Variants in SPIDR observed in about 807,000 individuals in gnomAD.
SPIDR encodes DNA repair-scaffolding protein.
SPIDR carries 93 observed loss-of-function variants against 104.6 expected under a neutral mutation model. The observed-to-expected ratio is 0.89, with a 90% confidence interval of 0.75 to 1.06. The LOEUF (loss-of-function observed/expected upper bound fraction) is 1.06, where lower values mean the gene tolerates loss of function less well. Ranked by LOEUF, SPIDR falls within the 50% of genes least tolerant of loss-of-function variation. SPIDR has a pLI of 0.00. For synonymous variants in SPIDR, 431 were observed against 416.9 expected (o/e 1.03, Z -0.41); for missense variants, 1,154 against 1,111.2 (o/e 1.04, Z -0.55).
At chr8:47,287,302 G>C (rs1251634501) in intron 3 of SPIDR, among the ~76,000 whole-genome samples, 1 of 152,154 alleles carries the variant, frequency 6.6e-6, no homozygotes, top group East Asian at 1.9e-4. Context: ...ACAAGGCAAA[G>C]GGCGAAATCA....
intron 10 of SPIDR, among the ~76,000 whole-genome samples, chr8:47,607,399 T>C (rs987026401): frequency 6.6e-6 from 1 of 152,094 alleles, no homozygotes; most frequent in African/African-American, 2.4e-5. Flanking sequence ...CTAAAACAGT[T>C]ATTGGCAGTC....
At chr8:47,528,244 CT>C (rs1309146732) in intron 8 of SPIDR, 50 of 152,120 alleles carry the variant, frequency 3.3e-4, no homozygotes, top group Non-Finnish European at 1.3e-4. Context: ...ATACTTTCCC[CT>C]AGAAGTCCAG....
chr8:47,303,574 G>T (rs2154249878), intron 5 of SPIDR, among the ~76,000 whole-genome samples: 1 of 152,262 alleles, frequency 6.6e-6, no homozygotes, highest in South Asian at 2.1e-4. Flanking sequence ...TTCCTGTTTG[G>T]CCATCTTGGC....
At chr8:47,424,637 C>CA (rs1215345790) in intron 7 of SPIDR, among the ~76,000 whole-genome samples, 2 of 151,426 alleles carry the variant, frequency 1.3e-5, no homozygotes, top group African/African-American at 2.4e-5. Flanking sequence ...TTCTTAAATG[C>CA]AAAAAACCTT....
intron 8 of SPIDR, among the ~76,000 whole-genome samples, chr8:47,501,618 A>T (rs2080452015): frequency 6.6e-6 from 1 of 152,112 alleles, no homozygotes; most frequent in South Asian, 2.1e-4. Flanking sequence ...CTCTTTTCCT[A>T]ATTGAATACC....
intron 8 of SPIDR, among the ~76,000 whole-genome samples, chr8:47,543,706 A>G (rs898708114): frequency 6.6e-6 from 1 of 152,216 alleles, no homozygotes; most frequent in Non-Finnish European, 1.5e-5. Context: ...CCAGGGGTGG[A>G]ATTTTTGGCC....
intron 8 of SPIDR, among the ~76,000 whole-genome samples, chr8:47,496,064 T>TAACA (rs1421952351): frequency 5.9e-5 from 9 of 152,242 alleles, no homozygotes; most frequent in Non-Finnish European, 1.3e-4. Flanking sequence ...TCATATAAAC[T>TAACA]TGTTAAACTC....
At chr8:47,504,055 G>A (rs1019993808) in intron 8 of SPIDR, among the ~76,000 whole-genome samples, 1 of 152,090 alleles carries the variant, frequency 6.6e-6, no homozygotes, top group Non-Finnish European at 1.5e-5. Flanking sequence ...TTTCTCTCTG[G>A]GTGCTGTTAA....
intron 8 of SPIDR, among the ~76,000 whole-genome samples, chr8:47,594,792 G>A (rs2061464912): frequency 6.6e-6 from 1 of 152,074 alleles, no homozygotes; most frequent in Non-Finnish European, 1.5e-5. Flanking sequence ...TCAGGAGTTT[G>A]AGACCAATCT....
intron 10 of SPIDR, among the ~76,000 whole-genome samples, chr8:47,669,879 AGT>A (rs2075563738): frequency 6.6e-6 from 1 of 152,188 alleles, no homozygotes; most frequent in Non-Finnish European, 1.5e-5. Flanking sequence ...ATACACCTAT[AGT>A]CCCAGCTACT....
chr8:47,598,219 A>C (rs2061843898), intron 9 of SPIDR, among the ~76,000 whole-genome samples: 1 of 152,212 alleles, frequency 6.6e-6, no homozygotes, highest in Non-Finnish European at 1.5e-5. Flanking sequence ...ATAATGGTTA[A>C]ACGTGTGAAC....
At chr8:47,694,181 T>C (rs1471806433) in intron 11 of SPIDR, among the ~76,000 whole-genome samples, 2 of 152,272 alleles carry the variant, frequency 1.3e-5, no homozygotes, top group Non-Finnish European at 2.9e-5. Flanking sequence ...AATTTACCTT[T>C]GTAACTCAAA....
intron 11 of SPIDR, among the ~76,000 whole-genome samples, chr8:47,689,969 TTGA>T (rs1194569896): frequency 1.3e-5 from 2 of 152,344 alleles, no homozygotes; most frequent in African/African-American, 4.8e-5. Flanking sequence ...GGGAGGCTAC[TTGA>T]TGTGTGAATT....
At position 47,717,434 on chromosome 8, in the gene SPIDR, C is replaced by T. The variant is rs149081723; in HGVS notation, c.2341+3793C>T. 3.8e-3 allele frequency among the ~76,000 whole-genome samples: 575 copies of T among 152,314 alleles called. 3 individuals are homozygous for T. Among genetic ancestry groups the T allele is most frequent in the South Asian group, 0.022 (108 of 4,828 alleles). On this transcript the variant is annotated intron_variant, in intron 16 of 19. Transcript: ENST00000297423. ...TTTATGACCAGAAGAATCGCCACCACCCATAGCAGTGTCTCATGAGAAAAT... is the reference window on the plus strand; with the variant it reads ...TTTATGACCAGAAGAATCGCCACCATCCATAGCAGTGTCTCATGAGAAAAT...
intron 7 of SPIDR, among the ~76,000 whole-genome samples, chr8:47,410,040 A>G (rs529087850): frequency 2.0e-5 from 3 of 152,256 alleles, no homozygotes; most frequent in Admixed American, 6.5e-5. Flanking sequence ...AAAAAATACA[A>G]AAAACTCCTT....
Position 47,440,380 on chromosome 8 carries a change from T to C in SPIDR, c.935T>C (p.Met312Thr). 1 of 1,614,268 alleles carries C rather than the reference T, an allele frequency of 6.2e-7. No individual in the cohort carries two copies. Among genetic ancestry groups the C allele is most frequent in the Non-Finnish European group, 8.5e-7 (1 of 1,180,032 alleles). The change falls in exon 8 of 20, where the codon ATG becomes ACG. Residue 312 changes from methionine to threonine, a missense_variant. Physicochemically the swap from Met to Thr is moderately conservative, Grantham distance 81. Coordinates refer to ENST00000297423, the MANE Select transcript of SPIDR (RefSeq NM_001080394.4). ...TTAGAGCTGCATGAGGAATGTGCCA[T>C]GCAAGTTGCCATGTGTGAGCAGTTA... ...KILELHEECAMQVAMCEQLLG... is the reference protein window; with the variant it reads ...KILELHEECATQVAMCEQLLG...
chr8:47,592,739 C>T (rs2061188883), intron 8 of SPIDR: 1 of 513,242 alleles, frequency 1.9e-6, no homozygotes, highest in Non-Finnish European at 3.5e-6. Context: ...TTTAGAACCA[C>T]CTCAGACAAT....
chr8:47,461,773 T>G (rs1335368983), intron 8 of SPIDR, among the ~76,000 whole-genome samples: 1 of 152,160 alleles, frequency 6.6e-6, no homozygotes, highest in African/African-American at 2.4e-5. Flanking sequence ...GTTGTGATTT[T>G]TTTTTAATTT....
intron 7 of SPIDR, among the ~76,000 whole-genome samples, chr8:47,435,897 G>A (rs938474005): frequency 6.6e-6 from 1 of 152,216 alleles, no homozygotes; most frequent in Non-Finnish European, 1.5e-5. Flanking sequence ...AAGGATATTT[G>A]ATTACTGGGA....
Sources: gnomAD v4.1 joint callset for allele counts (sites outside exome capture counted in the v4.1 genomes callset) on GRCh38, gnomAD v4.1.1 for gene constraint, MANE v1.5 for transcripts, NCBI Gene and HGNC (gene_info 2026-07-23, HGNC 2026-07-21) for gene names.